FNBP1L: variants seen among roughly 807,000 people sequenced by gnomAD.
The protein encoded by FNBP1L is formin-binding protein 1-like.
In FNBP1L, 36 loss-of-function variants were observed where a neutral mutation model predicts 91.2. The observed-to-expected ratio is 0.39, with a 90% confidence interval of 0.30 to 0.52. The LOEUF (loss-of-function observed/expected upper bound fraction) is 0.52, where lower values mean the gene tolerates loss of function less well. FNBP1L is among the 20% of genes least tolerant of loss of function. The probability of loss-of-function intolerance (pLI) is 0.66; values close to 1 mark genes in which losing one functional copy is unlikely to be tolerated. For missense variants in FNBP1L, 571 were observed against 732.1 expected (o/e 0.78, Z 2.54); for synonymous variants, 242 against 237.0 (o/e 1.02, Z -0.19).
intron 1 of FNBP1L, among the ~76,000 whole-genome samples, chr1:93,458,361 C>A (rs1668745754): frequency 6.6e-6 from 1 of 151,986 alleles, no homozygotes; most frequent in East Asian, 1.9e-4. Context: ...AACTTCTAGG[C>A]CCAAGTGATC....
rs1672487990 is a variant in FNBP1L at position 93,553,589 on chromosome 1, A to G, written c.*1173A>G. 6.6e-6 allele frequency: 1 copy of G among 152,660 alleles called. No individual in the cohort carries two copies. The highest frequency in any genetic ancestry group is 6.5e-5 in the Admixed American group (1 of 15,288). 9.5% of individuals were successfully genotyped at this position (152,660 alleles called of 1,614,324 possible). A position where few individuals can be genotyped will look rare whatever the true frequency, so the allele number is the denominator to read the frequency against. Reference sequence around the variant, plus strand: ...TTTTGGGTTATGACGATCATGTTTGATAATTACAATGATAGTCTCTTTCCA... The same window carrying G: ...TTTTGGGTTATGACGATCATGTTTGGTAATTACAATGATAGTCTCTTTCCA... On this transcript the variant is annotated 3_prime_UTR_variant, in exon 17 of 17. Transcript: ENST00000271234.
In FNBP1L at chr1:93,549,362, T is replaced by A; in HGVS notation, c.1587T>A (p.Asp529Glu). 6.2e-7 allele frequency: 1 copy of A among 1,612,946 alleles called. No individual in the cohort carries two copies. Among genetic ancestry groups the A allele is most frequent in the Non-Finnish European group, 8.5e-7 (1 of 1,179,454 alleles). ...QQHGHHNEFDDEFEDDDPLPA... is the reference protein window; with the variant it reads ...QQHGHHNEFDEEFEDDDPLPA... The stretch of plus-strand genomic sequence containing the variant: ...ATGGTCACCACAATGAGTTTGATGA[T>A]GAATTTGAGGATGATGATCCCTTGC... The change falls in exon 15 of 17, where the codon GAT (aspartate) becomes GAA (glutamate). Residue 529 changes from aspartate to glutamate, a missense_variant. By Grantham distance (45) the Asp-to-Glu change is conservative. Transcript: ENST00000271234.
At chr1:93,529,539 C>G in intron 5 of FNBP1L, 113 bp from the exon 6 acceptor site, 3 of 606,912 alleles carry the variant, frequency 4.9e-6, no homozygotes, top group Non-Finnish European at 8.3e-6. Context: ...TTGCTGCACC[C>G]ATCAACCCGT....
intron 5 of FNBP1L, among the ~76,000 whole-genome samples, chr1:93,526,615 T>G (rs1671502709): frequency 6.6e-6 from 1 of 152,132 alleles, no homozygotes. Flanking sequence ...TATTAGCTGT[T>G]TTCTGCCTCT....
chr1:93,497,989 A>C (rs949382608), intron 1 of FNBP1L, among the ~76,000 whole-genome samples: 1 of 152,154 alleles, frequency 6.6e-6, no homozygotes, highest in Non-Finnish European at 1.5e-5. Context: ...AACTGTTTAA[A>C]AATAATGTTC....
At chr1:93,551,586 G>C (rs975791751) in intron 16 of FNBP1L, 5 of 985,318 alleles carry the variant, frequency 5.1e-6, no homozygotes, top group Non-Finnish European at 4.8e-6. Flanking sequence ...CAGTTTCCAA[G>C]AAGAAAAATA....
intron 1 of FNBP1L, among the ~76,000 whole-genome samples, chr1:93,492,872 G>A (rs1207798384): frequency 1.3e-5 from 2 of 152,154 alleles, no homozygotes; most frequent in East Asian, 3.9e-4. Flanking sequence ...ATAAGAAATG[G>A]CCAGGTTGAT....
chr1:93,533,153 A>T, intron 8 of FNBP1L, 85 bp downstream of exon 8: 1 of 1,197,824 alleles, frequency 8.3e-7, no homozygotes. Context: ...AGAAAGGGAT[A>T]AAGTAATCTG....
intron 16 of FNBP1L, chr1:93,551,582 C>T: frequency 1.0e-6 from 1 of 985,360 alleles, no homozygotes; most frequent in Non-Finnish European, 1.2e-6. Flanking sequence ...GCTACAGTTT[C>T]CAAGAAGAAA....
chr1:93,545,438 A>G (rs1672190340), intron 12 of FNBP1L, among the ~76,000 whole-genome samples: 1 of 152,132 alleles, frequency 6.6e-6, no homozygotes, highest in Non-Finnish European at 1.5e-5. Context: ...CAGAAATGTG[A>G]ATGTTCTTGC....
rs1169989612 is a variant in FNBP1L, at chr1:93,553,699, TG to T, written c.*1284del. ...ACTTTTACTTGTAAAATGGAATTTC[TG>T]TATGTTTATACTTGTAAATATGATT... is the stretch of plus-strand genomic sequence containing the variant. On this transcript the variant is annotated 3_prime_UTR_variant, in exon 17 of 17. Coordinates refer to ENST00000271234, the MANE Select transcript of FNBP1L (RefSeq NM_001164473.3). 1.3e-5 allele frequency: 2 copies of T among 152,676 alleles called. No individual in the cohort carries two copies. Among genetic ancestry groups the T allele is most frequent in the African/African-American group, 4.8e-5 (2 of 41,460 alleles). 9.5% of individuals were successfully genotyped at this position (152,676 alleles called of 1,614,324 possible).
At chr1:93,490,355 T>C (rs1040580292) in intron 1 of FNBP1L, among the ~76,000 whole-genome samples, 1 of 152,224 alleles carries the variant, frequency 6.6e-6, no homozygotes, top group African/African-American at 2.4e-5. Context: ...ATTTTCCTTG[T>C]GTTTCCAAGT....
chr1:93,515,660 C>G (rs1199491281), intron 2 of FNBP1L, among the ~76,000 whole-genome samples: 1 of 150,130 alleles, frequency 6.7e-6, no homozygotes, highest in African/African-American at 2.5e-5. Context: ...TAAACTATCG[C>G]AAGCACAAAA....
chr1:93,470,142 A>C (rs142890933), intron 1 of FNBP1L, among the ~76,000 whole-genome samples: 21 of 151,104 alleles, frequency 1.4e-4, no homozygotes, highest in East Asian at 3.9e-4. Flanking sequence ...TTCTTTCTTT[A>C]TTTTTTTTTG....
intron 5 of FNBP1L, among the ~76,000 whole-genome samples, chr1:93,529,146 A>T (rs1003836159): frequency 1.3e-5 from 2 of 152,078 alleles, no homozygotes; most frequent in African/African-American, 4.8e-5. Context: ...AAACAAACCA[A>T]CTGAACAAAA....
chr1:93,497,056 G>A (rs368656940), intron 1 of FNBP1L, among the ~76,000 whole-genome samples: 1 of 152,066 alleles, frequency 6.6e-6, no homozygotes, highest in African/African-American at 2.4e-5. Flanking sequence ...TACCTACTGG[G>A]TTCATGCCAT....
chr1:93,536,501 T>C lies in FNBP1L; in HGVS notation c.1149+11T>C. On this transcript the variant is annotated intron_variant, in intron 10 of 16. Coordinates refer to ENST00000271234, the MANE Select transcript of FNBP1L (RefSeq NM_001164473.3). ...AGCCTCAAAAGAGGGGTAAGTTTAA[T>C]AATGGGTTAAAATGCATGATGGCCT... 6.5e-7 allele frequency: 1 copy of C among 1,543,898 alleles called. No homozygotes were observed. The highest frequency in any genetic ancestry group is 1.2e-5 in the South Asian group (1 of 82,882).
chr1:93,487,609 G>A (rs1245642279), intron 1 of FNBP1L, among the ~76,000 whole-genome samples: 2 of 152,166 alleles, frequency 1.3e-5, no homozygotes, highest in African/African-American at 2.4e-5. Context: ...AGGGAATGAG[G>A]CTCCTTAGAA....
At chr1:93,494,235 C>T (rs898340422) in intron 1 of FNBP1L, among the ~76,000 whole-genome samples, 1 of 152,102 alleles carries the variant, frequency 6.6e-6, no homozygotes, top group Admixed American at 6.5e-5. Context: ...TTATAAAGGA[C>T]ACAGATGAAC....
Sources: allele counts gnomAD v4.1 joint callset (sites outside exome capture counted in the v4.1 genomes callset), GRCh38; gene constraint gnomAD v4.1.1; transcripts MANE v1.5; gene names NCBI Gene and HGNC (gene_info 2026-07-23, HGNC 2026-07-21).